The following NAA11 variants were observed in gnomAD, a reference collection of about 807,000 sequenced individuals.
NAA11 encodes N-alpha-acetyltransferase 11, NatA catalytic subunit, also known as N-alpha-acetyltransferase 11.
NAA11 carries 15 observed loss-of-function variants against 16.1 expected under a neutral mutation model. That is an observed-to-expected ratio of 0.93 (90% CI 0.62 to 1.44). The LOEUF (loss-of-function observed/expected upper bound fraction) is 1.44. NAA11 is among the 40% of genes most tolerant of loss of function. The probability of loss-of-function intolerance (pLI) is 0.00; values close to 1 mark genes in which losing one functional copy is unlikely to be tolerated. For missense variants in NAA11, 298 were observed against 291.3 expected (o/e 1.02, Z -0.17); for synonymous variants, 122 against 112.4 (o/e 1.09, Z -0.54).
chr4:79,258,965 G>C (rs1722189309), intron 2 of NAA11: 1 of 209,786 alleles, frequency 4.8e-6, no homozygotes, highest in East Asian at 1.6e-4. Flanking sequence ...GCTGCAGAGA[G>C]GAGCTACCCA....
intron 2 of NAA11, among the ~76,000 whole-genome samples, chr4:79,285,595 A>G (rs2109989073): frequency 6.6e-6 from 1 of 152,170 alleles, no homozygotes; most frequent in African/African-American, 2.4e-5. Context: ...ATATTAAATG[A>G]AGTAGAATGT....
chr4:79,188,949 G>A, the NAA11 span, among the ~76,000 whole-genome samples: 1 of 151,298 alleles, frequency 6.6e-6, no homozygotes, highest in Non-Finnish European at 1.5e-5. Context: ...AACTTGTGAA[G>A]GGCCGAGCGC....
the NAA11 span, among the ~76,000 whole-genome samples, chr4:79,193,089 A>G: frequency 2.0e-5 from 3 of 151,194 alleles, no homozygotes; most frequent in African/African-American, 7.3e-5. Context: ...TTTTCTTGTA[A>G]ATTTGTTTGA....
At chr4:79,222,335 C>T (rs533922021), downstream of NAA11, among the ~76,000 whole-genome samples, 27 of 151,946 alleles carry the variant, frequency 1.8e-4, no homozygotes, top group African/African-American at 5.6e-4. Context: ...TCAGAAATAA[C>T]GCCACATATC....
the NAA11 span, among the ~76,000 whole-genome samples, chr4:79,160,851 A>G: frequency 6.6e-6 from 1 of 152,024 alleles, no homozygotes; most frequent in Non-Finnish European, 1.5e-5. Flanking sequence ...TTTTAATTTT[A>G]TATATTATTT....
At chr4:79,264,298 G>A (rs1722298346) in intron 2 of NAA11, among the ~76,000 whole-genome samples, 1 of 152,056 alleles carries the variant, frequency 6.6e-6, no homozygotes, top group Non-Finnish European at 1.5e-5. Flanking sequence ...TCCTTTTGAG[G>A]ACTTCTCTCC....
At chr4:79,285,688 G>T (rs1257994418) in intron 2 of NAA11, among the ~76,000 whole-genome samples, 1 of 151,974 alleles carries the variant, frequency 6.6e-6, no homozygotes, top group African/African-American at 2.4e-5. Flanking sequence ...TAAAAGAAGA[G>T]ATTTAGTACT....
At chr4:79,186,323 G>C in the NAA11 span, among the ~76,000 whole-genome samples, 4 of 152,162 alleles carry the variant, frequency 2.6e-5, no homozygotes, top group African/African-American at 7.2e-5. Flanking sequence ...TCTGAGTACA[G>C]AAATACTTTG....
the NAA11 span, among the ~76,000 whole-genome samples, chr4:79,162,060 A>G: frequency 6.6e-6 from 1 of 152,028 alleles, no homozygotes; most frequent in African/African-American, 2.4e-5. Context: ...TGAGAAACTT[A>G]TTTCTAAATA....
At chr4:79,167,565 T>C in the NAA11 span, among the ~76,000 whole-genome samples, 2 of 152,074 alleles carry the variant, frequency 1.3e-5, no homozygotes, top group Non-Finnish European at 2.9e-5. Flanking sequence ...AGTTTCCTAA[T>C]ATGTGGTAGC....
intron 2 of NAA11, among the ~76,000 whole-genome samples, chr4:79,238,143 G>T (rs1419406964): frequency 1.3e-5 from 2 of 152,168 alleles, no homozygotes; most frequent in Non-Finnish European, 2.9e-5. Context: ...CAGAATTTTA[G>T]CATTGTCTTT....
chr4:79,175,772 G>GCTCCAGTGTT, the NAA11 span, among the ~76,000 whole-genome samples: 12 of 146,594 alleles, frequency 8.2e-5, no homozygotes, highest in East Asian at 1.6e-3. Flanking sequence ...AAAGATACCA[G>GCTCCAGTGTT]CTCCAGTGTT....
chr4:79,240,206 T>C (rs1400441342), intron 2 of NAA11, among the ~76,000 whole-genome samples: 2 of 152,212 alleles, frequency 1.3e-5, no homozygotes, highest in Admixed American at 1.3e-4. Flanking sequence ...ATCAAGGAAC[T>C]CATTTCAAAG....
chr4:79,182,132 T>C, the NAA11 span, among the ~76,000 whole-genome samples: 1 of 152,182 alleles, frequency 6.6e-6, no homozygotes, highest in Non-Finnish European at 1.5e-5. Context: ...AGATTAGCAG[T>C]CATAGACCTG....
At position 79,317,518 on chromosome 4, in the gene NAA11, C is replaced by T. The variant is rs1723960326; in HGVS notation, c.*286G>A. Reference sequence around the variant, plus strand: ...AACCACACCCAACAGAGGACTACTACAAACAGAATAAAATGGCAGCGTAGT... The same window carrying T: ...AACCACACCCAACAGAGGACTACTATAAACAGAATAAAATGGCAGCGTAGT... On this transcript the variant is annotated 3_prime_UTR_variant, in exon 2 of 2. Transcript: ENST00000286794. The T allele has an allele frequency of 6.6e-6, 1 of 152,234 alleles. No homozygotes were observed. The highest frequency in any genetic ancestry group is 2.4e-5 in the African/African-American group (1 of 41,434). 9.4% of individuals were successfully genotyped at this position (152,234 alleles called of 1,614,324 possible).
the NAA11 span, among the ~76,000 whole-genome samples, chr4:79,177,303 T>C: frequency 6.6e-6 from 1 of 151,942 alleles, no homozygotes; most frequent in South Asian, 2.1e-4. Context: ...ACAACAAAAC[T>C]AGGCCCAGAA....
the NAA11 span, among the ~76,000 whole-genome samples, chr4:79,178,927 A>G: frequency 2.0e-5 from 3 of 152,144 alleles, no homozygotes; most frequent in African/African-American, 7.2e-5. Context: ...ACAGGAAAGA[A>G]CTTGGCAAGT....
chr4:79,280,794 A>G (rs980773128), intron 2 of NAA11, among the ~76,000 whole-genome samples: 1 of 152,064 alleles, frequency 6.6e-6, no homozygotes, highest in African/African-American at 2.4e-5. Flanking sequence ...ATGTGTGTGC[A>G]TGAACTGGAC....
At chr4:79,171,079 G>C in the NAA11 span, among the ~76,000 whole-genome samples, 1 of 152,142 alleles carries the variant, frequency 6.6e-6, no homozygotes, top group African/African-American at 2.4e-5. Flanking sequence ...CTGCTCTCTT[G>C]AGATGTTAAG....
Sources: gnomAD v4.1 joint callset for allele counts (sites outside exome capture counted in the v4.1 genomes callset) on GRCh38, gnomAD v4.1.1 for gene constraint, MANE v1.5 for transcripts, NCBI Gene and HGNC (gene_info 2026-07-23, HGNC 2026-07-21) for gene names.